The following ENTPD1 variants were observed in gnomAD, a reference collection of about 807,000 sequenced individuals.
The protein encoded by ENTPD1 is ATP diphosphohydrolase.
Under a neutral mutation model 57.0 loss-of-function variants are expected in ENTPD1, and 33 were observed. The ratio of observed to expected loss-of-function variants is 0.58; its 90% CI spans 0.44 to 0.77. The LOEUF (loss-of-function observed/expected upper bound fraction) is 0.77, where lower values mean the gene tolerates loss of function less well. Among genes scored for constraint, ENTPD1 ranks in the 30% least tolerant of loss-of-function variants. ENTPD1 has a pLI of 0.00. For missense variants in ENTPD1, 501 were observed against 603.4 expected, an observed-to-expected ratio of 0.83 and a Z score of 1.78; for synonymous variants, 202 against 218.8, an observed-to-expected ratio of 0.92 and a Z score of 0.68.
chr10:95,818,991 T>C (rs1409018541), intron 1 of ENTPD1, among the ~76,000 whole-genome samples: 1 of 152,202 alleles, frequency 6.6e-6, no homozygotes, highest in Admixed American at 6.5e-5. Context: ...GTCAGTCACA[T>C]TGGATCTGCA....
chr10:95,722,271 G>GT (rs941427828), intron 1 of ENTPD1, among the ~76,000 whole-genome samples: 92 of 146,348 alleles, frequency 6.3e-4, no homozygotes, highest in East Asian at 2.4e-3. Flanking sequence ...TTGTTTTTTT[G>GT]TTTTTTTTTA....
chr10:95,723,335 C>G (rs550690688), intron 1 of ENTPD1, among the ~76,000 whole-genome samples: 7 of 152,212 alleles, frequency 4.6e-5, no homozygotes, highest in Non-Finnish European at 8.8e-5. Context: ...CTCTTTCTCT[C>G]TCTTTTCTCC....
intron 2 of ENTPD1, among the ~76,000 whole-genome samples, chr10:95,836,174 T>C (rs1017829402): frequency 1.3e-5 from 2 of 152,206 alleles, no homozygotes; most frequent in African/African-American, 2.4e-5. Context: ...TTCTGTTCCA[T>C]TGATCTATGT....
intron 1 of ENTPD1, among the ~76,000 whole-genome samples, chr10:95,821,260 G>A (rs2098350009): frequency 6.6e-6 from 1 of 152,156 alleles, no homozygotes; most frequent in Admixed American, 6.5e-5. Context: ...TTAAAATCCT[G>A]ACTCTAATTG....
intron 6 of ENTPD1, chr10:95,846,102 GAC>G (rs1324341159): frequency 5.7e-6 from 1 of 175,620 alleles, no homozygotes; most frequent in Non-Finnish European, 1.2e-5. Context: ...GCATTTTGAA[GAC>G]AAGAAAAGTT....
chr10:95,727,659 C>G (rs1205611492), intron 1 of ENTPD1, among the ~76,000 whole-genome samples: 1 of 152,098 alleles, frequency 6.6e-6, no homozygotes, highest in Non-Finnish European at 1.5e-5. Context: ...ATGATATATG[C>G]TTGCATTACT....
At chr10:95,755,766 G>C (rs192954755), upstream of ENTPD1, 3 of 1,536,654 alleles carry the variant, frequency 2.0e-6, no homozygotes, top group Non-Finnish European at 8.7e-7. Flanking sequence ...CGGGTTTCAA[G>C]GTAACAACTT....
At chr10:95,697,853 A>G in the ENTPD1 span, among the ~76,000 whole-genome samples, 2 of 152,214 alleles carry the variant, frequency 1.3e-5, no homozygotes, top group African/African-American at 4.8e-5. Flanking sequence ...AGAAAATTGG[A>G]ACCAAGAAGT....
chr10:95,766,242 T>C (rs1056513528), intron 1 of ENTPD1, among the ~76,000 whole-genome samples: 4 of 152,184 alleles, frequency 2.6e-5, no homozygotes, highest in African/African-American at 9.6e-5. Context: ...TATTTCAGTA[T>C]GTATTTCCTA....
Position 95,833,323 on chromosome 10 carries a change from C to G in ENTPD1, c.145-6368C>G, listed in dbSNP as rs1001247869. On this transcript the variant is annotated intron_variant, in intron 2 of 9. Coordinates refer to ENST00000371205, the MANE Select transcript of ENTPD1 (RefSeq NM_001776.6). ...ATTAAAAAATAAGACAATAACAGAA[C>G]TGTGGTTTGTATTAAAGATCTAGTA... Among the ~76,000 whole-genome samples the G allele has an allele frequency of 2.6e-5, 4 of 152,078 alleles. No homozygotes were observed. The East Asian group carries it at 7.7e-4, about 29-fold the overall frequency.
chr10:95,864,952 A>C lies in ENTPD1; in HGVS notation c.1326+91A>C, dbSNP rs2275759. 0.54 allele frequency: 785,170 copies of C among 1,448,014 alleles called. 216,363 individuals are homozygous for C. Among genetic ancestry groups the C allele is most frequent in the Admixed American group, 0.68 (38,061 of 56,182 alleles). The allele number at this position is 1,448,014 out of a possible 1,614,324, so 89.7% of individuals were successfully genotyped here. ...GGGCTTGAAAAAGGGGGGAGTCAGCATGGTGTAGCTTTGGCTTGATGTCCT... is the reference window on the plus strand; with the variant it reads ...GGGCTTGAAAAAGGGGGGAGTCAGCCTGGTGTAGCTTTGGCTTGATGTCCT... On this transcript the variant is annotated intron_variant, in intron 9 of 9. Coordinates refer to ENST00000371205, the MANE Select transcript of ENTPD1 (RefSeq NM_001776.6).
intron 1 of ENTPD1, among the ~76,000 whole-genome samples, chr10:95,806,751 G>A: frequency 6.6e-6 from 1 of 152,194 alleles, no homozygotes; most frequent in Non-Finnish European, 1.5e-5. Context: ...AGGCCCCTCT[G>A]CTGCAGGTCT....
intron 6 of ENTPD1, chr10:95,846,007 G>GAAA (rs61643094): frequency 1.2e-4 from 19 of 155,632 alleles, no homozygotes; most frequent in Non-Finnish European, 1.9e-4. Context: ...AGAGGAGAAG[G>GAAA]AAAAAAAAAA....
chr10:95,750,495 G>C (rs1003595907), intron 1 of ENTPD1, among the ~76,000 whole-genome samples: 19 of 152,100 alleles, frequency 1.2e-4, no homozygotes, highest in Non-Finnish European at 2.6e-4. Flanking sequence ...TGCCATGATT[G>C]TAAGTTTCTT....
intron 1 of ENTPD1, among the ~76,000 whole-genome samples, chr10:95,727,656 A>G (rs1185919383): frequency 6.6e-6 from 1 of 152,228 alleles, no homozygotes; most frequent in East Asian, 1.9e-4. Flanking sequence ...GAAATGATAT[A>G]TGCTTGCATT....
chr10:95,719,693 C>T (rs902599693), intron 1 of ENTPD1, among the ~76,000 whole-genome samples: 2 of 152,126 alleles, frequency 1.3e-5, no homozygotes, highest in African/African-American at 2.4e-5. Flanking sequence ...TCTGAACGGG[C>T]GGCTAAAAGT....
intron 1 of ENTPD1, among the ~76,000 whole-genome samples, chr10:95,789,185 A>G (rs1370637820): frequency 2.0e-5 from 3 of 152,216 alleles, no homozygotes; most frequent in African/African-American, 7.2e-5. Flanking sequence ...ATTGAAATGG[A>G]TGAGAATTTA....
intron 1 of ENTPD1, among the ~76,000 whole-genome samples, chr10:95,821,737 A>C (rs1311913053): frequency 2.0e-5 from 3 of 152,148 alleles, no homozygotes; most frequent in Non-Finnish European, 1.5e-5. Flanking sequence ...AGACTGCCTC[A>C]AGATTCTGGG....
chr10:95,699,390 G>T, the ENTPD1 span, among the ~76,000 whole-genome samples: 1 of 152,058 alleles, frequency 6.6e-6, no homozygotes. Flanking sequence ...CAGGGTGATT[G>T]CCTAAGTTCA....
Sources: gnomAD v4.1 joint callset for allele counts (sites outside exome capture counted in the v4.1 genomes callset) on GRCh38, gnomAD v4.1.1 for gene constraint, MANE v1.5 for transcripts, NCBI Gene and HGNC (gene_info 2026-07-23, HGNC 2026-07-21) for gene names.